The following TMEM71 variants were observed in gnomAD, a reference collection of about 807,000 sequenced individuals.
TMEM71 encodes the protein transmembrane protein 71.
TMEM71 carries 44 observed loss-of-function variants against 38.0 expected under a neutral mutation model. The observed-to-expected ratio is 1.16, with a 90% CI of 0.91 to 1.49. TMEM71 has a LOEUF of 1.49. Ranked by LOEUF, TMEM71 falls within the 40% of genes most tolerant of loss-of-function variation. The probability of loss-of-function intolerance (pLI) is 0.00; values close to 1 mark genes in which losing one functional copy is unlikely to be tolerated. For missense variants in TMEM71, 367 were observed against 348.6 expected (o/e 1.05, Z -0.42); for synonymous variants, 133 against 122.5 (o/e 1.09, Z -0.56).
intron 6 of TMEM71, among the ~76,000 whole-genome samples, chr8:132,724,948 T>C (rs1001538449): frequency 6.6e-6 from 1 of 152,224 alleles, no homozygotes; most frequent in Non-Finnish European, 1.5e-5. Context: ...GTAATCTCTT[T>C]CTGCAGAACT....
intron 7 of TMEM71, among the ~76,000 whole-genome samples, chr8:132,717,677 A>C (rs1826608059): frequency 6.6e-6 from 1 of 152,148 alleles, no homozygotes; most frequent in African/African-American, 2.4e-5. Flanking sequence ...CTATTGGAAA[A>C]CGTTTCAGCA....
Position 132,751,905 on chromosome 8 carries a change from G to A in TMEM71, c.194C>T (p.Pro65Leu). Residue 65 changes from proline to leucine, a missense_variant, in exon 4 of 10, where the codon CCC (proline) becomes CTC (leucine). Pro to Leu is a moderately conservative substitution (Grantham distance 98). Coordinates refer to ENST00000677595, the MANE Select transcript of TMEM71 (RefSeq NM_001382403.1). ...ATAGTAGCCATTGGTGAGGAGTCTG[G>A]GACTTCGGCGACAGGTATAGTGGGA... Reference protein sequence around the residue: ...TGSHYTCRRSPRLLTNGYYIW... With the variant: ...TGSHYTCRRSLRLLTNGYYIW... The A allele has an allele frequency of 6.2e-7, 1 of 1,614,016 alleles. No homozygotes were observed. Among genetic ancestry groups the A allele is most frequent in the South Asian group, 1.1e-5 (1 of 91,080 alleles).
chr8:132,723,733 C>T (rs1461843071), intron 6 of TMEM71, among the ~76,000 whole-genome samples: 1 of 152,212 alleles, frequency 6.6e-6, no homozygotes, highest in Non-Finnish European at 1.5e-5. Flanking sequence ...ACCTCTCCCC[C>T]TCTCTTGGTA....
chr8:132,769,210 C>G, the TMEM71 span, among the ~76,000 whole-genome samples: 1 of 152,316 alleles, frequency 6.6e-6, no homozygotes, highest in East Asian at 1.9e-4. Context: ...TTATTTGAAG[C>G]TTACTCATCC....
downstream of TMEM71, among the ~76,000 whole-genome samples, chr8:132,709,032 G>T (rs975366768): frequency 6.6e-6 from 1 of 152,152 alleles, no homozygotes. Flanking sequence ...TACAGCCGGG[G>T]AGAAAATGTC....
intron 5 of TMEM71, among the ~76,000 whole-genome samples, chr8:132,742,102 C>A (rs182316989): frequency 5.1e-4 from 78 of 152,242 alleles, no homozygotes; most frequent in South Asian, 1.0e-3. Context: ...CTCTGTATGG[C>A]CTGGTTTTTC....
chr8:132,751,705 G>C (rs914196036), intron 4 of TMEM71, 80 bp downstream of exon 4: 4 of 1,363,558 alleles, frequency 2.9e-6, no homozygotes, highest in Non-Finnish European at 4.2e-6. Context: ...ATAAAAGATA[G>C]TTGAGTGAAT....
intron 5 of TMEM71, among the ~76,000 whole-genome samples, chr8:132,736,092 C>T (rs1042439237): frequency 6.6e-6 from 1 of 152,160 alleles, no homozygotes; most frequent in African/African-American, 2.4e-5. Context: ...AGGTTCTAAA[C>T]TGAGCCTTGG....
At chr8:132,767,696 C>T in the TMEM71 span, among the ~76,000 whole-genome samples, 206 of 152,128 alleles carry the variant, frequency 1.4e-3, no homozygotes, top group Non-Finnish European at 2.6e-3. Flanking sequence ...AGGATGGTCT[C>T]GATCTCCTGA....
chr8:132,747,962 G>C (rs77487423), intron 4 of TMEM71, among the ~76,000 whole-genome samples: 226 of 152,286 alleles, frequency 1.5e-3, no homozygotes, highest in African/African-American at 5.3e-3. Flanking sequence ...GGTAGCAGAG[G>C]GTGGCTCAGA....
At chr8:132,742,860 G>A (rs1399131762) in intron 5 of TMEM71, among the ~76,000 whole-genome samples, 1 of 152,188 alleles carries the variant, frequency 6.6e-6, no homozygotes, top group Non-Finnish European at 1.5e-5. Flanking sequence ...AGGTTTAATG[G>A]ACTTACAGTT....
the TMEM71 span, among the ~76,000 whole-genome samples, chr8:132,772,258 T>C: frequency 1.3e-5 from 2 of 152,234 alleles, no homozygotes; most frequent in South Asian, 4.1e-4. Context: ...GTTGGAGGAA[T>C]TTAGTTCAGT....
intron 5 of TMEM71, among the ~76,000 whole-genome samples, chr8:132,745,553 G>A (rs968984834): frequency 6.6e-6 from 1 of 152,120 alleles, no homozygotes; most frequent in Admixed American, 6.5e-5. Context: ...GCAGAGAAAA[G>A]GGAATGCTTA....
chr8:132,764,288 TTGTG>T (rs5895159), upstream of TMEM71, among the ~76,000 whole-genome samples: 27 of 149,156 alleles, frequency 1.8e-4, no homozygotes, highest in Middle Eastern at 3.5e-3. Flanking sequence ...AACTGGGAGG[TTGTG>T]TGTGTGTGTG....
chr8:132,757,384 A>G, intron 2 of TMEM71, 90 bp from the exon 3 acceptor site: 1 of 925,450 alleles, frequency 1.1e-6, no homozygotes, highest in Non-Finnish European at 1.7e-6. Context: ...TATAATTGCA[A>G]ACAGTGGAGG....
chr8:132,734,924 A>T (rs994867449), intron 5 of TMEM71, among the ~76,000 whole-genome samples: 2 of 152,178 alleles, frequency 1.3e-5, no homozygotes, highest in African/African-American at 4.8e-5. Flanking sequence ...TTATATAAAA[A>T]TGGGCATTAT....
the TMEM71 span, among the ~76,000 whole-genome samples, chr8:132,766,575 G>A: frequency 1.7e-4 from 26 of 152,026 alleles, no homozygotes; most frequent in Non-Finnish European, 3.5e-4. Context: ...CGAGGTAGGC[G>A]GATCACTTAA....
chr8:132,719,655 C>T (rs913080500), intron 7 of TMEM71, among the ~76,000 whole-genome samples: 1 of 152,144 alleles, frequency 6.6e-6, no homozygotes, highest in Non-Finnish European at 1.5e-5. Flanking sequence ...TTGCCCACGT[C>T]TATACAGTTT....
chr8:132,742,410 C>T (rs778485919), intron 5 of TMEM71, among the ~76,000 whole-genome samples: 16 of 152,198 alleles, frequency 1.1e-4, no homozygotes, highest in South Asian at 8.3e-4. Context: ...AAAAACACTC[C>T]GATGTTGTCT....
Sources: allele counts gnomAD v4.1 joint callset (sites outside exome capture counted in the v4.1 genomes callset), GRCh38; gene constraint gnomAD v4.1.1; transcripts MANE v1.5; gene names NCBI Gene and HGNC (gene_info 2026-07-23, HGNC 2026-07-21).